Variants in FHAD1 observed in about 807,000 individuals in gnomAD.
The protein encoded by FHAD1 is forkhead-associated domain-containing protein 1.
FHAD1 carries 146 observed loss-of-function variants against 191.3 expected under a neutral mutation model. The ratio of observed to expected loss-of-function variants is 0.76; its 90% confidence interval spans 0.67 to 0.88. The LOEUF is 0.88. Among genes scored for constraint, FHAD1 ranks in the 40% least tolerant of loss-of-function variants. The pLI, the probability that FHAD1 is intolerant of heterozygous loss-of-function variation, is 0.00. For missense variants in FHAD1, 1,635 were observed against 1,785.8 expected, an observed-to-expected ratio of 0.92 and a Z score of 1.52; for synonymous variants, 616 against 672.3, an observed-to-expected ratio of 0.92 and a Z score of 1.29.
intron 16 of FHAD1, among the ~76,000 whole-genome samples, chr1:15,342,935 A>T (rs1687338730): frequency 6.6e-6 from 1 of 152,080 alleles, no homozygotes; most frequent in South Asian, 2.1e-4. Flanking sequence ...AGCTGGGACC[A>T]CAGGCACACA....
intron 23 of FHAD1, chr1:15,363,684 G>C (rs1695520589): frequency 2.2e-6 from 1 of 452,926 alleles, no homozygotes; most frequent in Non-Finnish European, 4.4e-6. Flanking sequence ...AGAAGTTAAG[G>C]GGTCGGCTAA....
rs573360993 is a variant in FHAD1 at position 15,354,705 on chromosome 1, G to A, written c.2562+1721G>A. Among the ~76,000 whole-genome samples the A allele has an allele frequency of 2.0e-5, 3 of 152,146 alleles. No individual in the cohort carries two copies. The South Asian group carries it at 6.2e-4, about 32-fold the overall frequency. ...AAAAAAAGTATATCATGAAATCAAC[G>A]AATGAGTCACAATTTTTACTCCAGC... On this transcript the variant is annotated intron_variant, in intron 20 of 33. Coordinates refer to ENST00000688493, the MANE Select transcript of FHAD1 (RefSeq NM_001391957.1).
intron 18 of FHAD1, 69 bp from the exon 19 acceptor site, chr1:15,348,970 TATC>T: frequency 4.4e-6 from 4 of 901,642 alleles, no homozygotes; most frequent in Non-Finnish European, 6.9e-6. Flanking sequence ...TTATTATTAT[TATC>T]ATTATCATTA....
At chr1:15,395,109 T>TGA (rs1365019479) in intron 33 of FHAD1, among the ~76,000 whole-genome samples, 1 of 151,918 alleles carries the variant, frequency 6.6e-6, no homozygotes, top group Non-Finnish European at 1.5e-5. Flanking sequence ...GTCAGGAGTT[T>TGA]GAGACCATCC....
intron 21 of FHAD1, among the ~76,000 whole-genome samples, chr1:15,359,806 C>T (rs1025350991): frequency 1.3e-5 from 2 of 150,276 alleles, no homozygotes; most frequent in African/African-American, 5.0e-5. Flanking sequence ...AGAAAATAGC[C>T]AGGCGTGGTG....
At chr1:15,369,241 A>G (rs1697415632) in intron 25 of FHAD1, 129 bp from the exon 26 acceptor site, 1 of 1,133,930 alleles carries the variant, frequency 8.8e-7, no homozygotes, top group African/African-American at 1.6e-5. Flanking sequence ...AAATATGGGA[A>G]CAGGAAACAA....
At chr1:15,295,166 C>CTT (rs1441256063) in intron 4 of FHAD1, among the ~76,000 whole-genome samples, 4 of 152,184 alleles carry the variant, frequency 2.6e-5, no homozygotes, top group Non-Finnish European at 5.9e-5. Flanking sequence ...AATCTTGACT[C>CTT]TATCACTCAC....
chr1:15,239,706 T>C (rs1446005499), intron 1 of FHAD1, among the ~76,000 whole-genome samples: 1 of 152,228 alleles, frequency 6.6e-6, no homozygotes, highest in Non-Finnish European at 1.5e-5. Context: ...ACAGTGATTC[T>C]GACATGGGGC....
chr1:15,373,318 G>T (rs1698646882), intron 26 of FHAD1, among the ~76,000 whole-genome samples: 1 of 144,980 alleles, frequency 6.9e-6, no homozygotes, highest in Non-Finnish European at 1.5e-5. Flanking sequence ...AGACCAGCCT[G>T]GCCAACGTGG....
Position 15,382,021 on chromosome 1 carries a change from C to A in FHAD1, c.4023-7C>A, listed in dbSNP as rs185827959. The stretch of plus-strand genomic sequence containing the variant: ...AAAAACAGACGCCATCTCTCCTGTG[C>A]ACCCAGGCGGAGCAAAGTGTCCATT... On this transcript the variant is annotated splice_polypyrimidine_tract_variant and splice_region_variant and intron_variant, in intron 30 of 33. Coordinates refer to ENST00000688493, the MANE Select transcript of FHAD1 (RefSeq NM_001391957.1). 8.1e-5 allele frequency: 126 copies of A among 1,551,910 alleles called. No individual in the cohort carries two copies. The African/African-American group carries it at 1.5e-3, about 18-fold the overall frequency.
chr1:15,361,704 G>T (rs1241492855), intron 22 of FHAD1, among the ~76,000 whole-genome samples: 8 of 152,014 alleles, frequency 5.3e-5, no homozygotes, highest in African/African-American at 1.9e-4. Flanking sequence ...GTCAGAGGGA[G>T]GGTGTCTGAG....
chr1:15,387,066 A>C (rs1288174569), intron 31 of FHAD1, among the ~76,000 whole-genome samples: 1 of 151,358 alleles, frequency 6.6e-6, no homozygotes, highest in African/African-American at 2.4e-5. Flanking sequence ...TAATCTTTGT[A>C]TTTTTTAGTA....
chr1:15,336,222 A>G (rs1159592437), intron 14 of FHAD1, among the ~76,000 whole-genome samples: 1 of 152,166 alleles, frequency 6.6e-6, no homozygotes, highest in Non-Finnish European at 1.5e-5. Flanking sequence ...ATAAATATGA[A>G]CATACTTCCT....
chr1:15,369,592 T>A, intron 26 of FHAD1, 90 bp downstream of exon 26: 1 of 1,426,876 alleles, frequency 7.0e-7, no homozygotes, highest in Non-Finnish European at 9.5e-7. Flanking sequence ...ACTTTCATTC[T>A]AAGTTCCAAA....
At chr1:15,401,500 A>G (rs1300635407), downstream of FHAD1, among the ~76,000 whole-genome samples, 1 of 152,230 alleles carries the variant, frequency 6.6e-6, no homozygotes, top group Admixed American at 6.5e-5. Context: ...CGCCCTTGCC[A>G]GTGGGAGCCC....
chr1:15,261,024 T>C (rs1650766099), intron 2 of FHAD1, among the ~76,000 whole-genome samples: 1 of 152,122 alleles, frequency 6.6e-6, no homozygotes, highest in African/African-American at 2.4e-5. Flanking sequence ...ATATGGGATG[T>C]TGAGAGCTTT....
At chr1:15,360,170 G>A (rs1694305104) in intron 21 of FHAD1, among the ~76,000 whole-genome samples, 1 of 152,164 alleles carries the variant, frequency 6.6e-6, no homozygotes, top group South Asian at 2.1e-4. Context: ...GAGAAACAAA[G>A]AAACAAAATT....
intron 7 of FHAD1, among the ~76,000 whole-genome samples, chr1:15,309,347 C>T (rs1671526853): frequency 6.6e-6 from 1 of 152,240 alleles, no homozygotes; most frequent in South Asian, 2.1e-4. Flanking sequence ...AGGCACTGTT[C>T]TAGGCACTGG....
rs1405471913 is a variant in FHAD1 at position 15,276,785 on chromosome 1, C to T, written c.300+4256C>T. On this transcript the variant is annotated intron_variant, in intron 3 of 33. Coordinates refer to ENST00000688493, the MANE Select transcript of FHAD1 (RefSeq NM_001391957.1). This position sits in a 1 kb window ranked among gnomAD's most constrained non-coding sequence, Gnocchi z 4.7. ...CCACAGCCTGGGCAACAGAGTGAGACTCTCTCAAAAAAAAAAAAAGTATAG... is the reference window on the plus strand; with the variant it reads ...CCACAGCCTGGGCAACAGAGTGAGATTCTCTCAAAAAAAAAAAAAGTATAG... Among the ~76,000 whole-genome samples, 1 of 151,040 alleles carries T rather than the reference C, an allele frequency of 6.6e-6. No homozygotes were observed. The highest frequency in any genetic ancestry group is 2.4e-5 in the African/African-American group (1 of 40,994).
Sources: gnomAD v4.1 joint callset for allele counts (sites outside exome capture counted in the v4.1 genomes callset) on GRCh38, gnomAD v4.1.1 for gene constraint, Gnocchi (gnomAD v3.1) non-coding constraint, MANE v1.5 for transcripts, NCBI Gene and HGNC (gene_info 2026-07-23, HGNC 2026-07-21) for gene names.